The following BMPR1B variants were observed in gnomAD, a reference collection of about 807,000 sequenced individuals.
BMPR1B encodes the protein bone morphogenetic protein receptor type-1B.
A neutral mutation model predicts 59.1 loss-of-function variants in BMPR1B; 12 were observed. The observed-to-expected ratio is 0.20, with a 90% confidence interval of 0.13 to 0.33. The LOEUF (loss-of-function observed/expected upper bound fraction) is 0.33, where lower values mean the gene tolerates loss of function less well. Ranked by LOEUF, BMPR1B falls within the 10% of genes least tolerant of loss-of-function variation. The pLI, the probability that BMPR1B is intolerant of heterozygous loss-of-function variation, is 1.00. For synonymous variants in BMPR1B, 237 were observed against 207.3 expected, an observed-to-expected ratio of 1.14 and a Z score of -1.23; for missense variants, 550 against 610.9, an observed-to-expected ratio of 0.90 and a Z score of 1.05.
intron 1 of BMPR1B, among the ~76,000 whole-genome samples, chr4:94,784,500 T>C (rs1197528803): frequency 6.6e-6 from 1 of 152,186 alleles, no homozygotes; most frequent in East Asian, 1.9e-4. Flanking sequence ...ATTTTCTCTT[T>C]TGTGTAAACT....
intron 1 of BMPR1B, among the ~76,000 whole-genome samples, chr4:94,827,204 T>G (rs1189974526): frequency 6.6e-6 from 1 of 152,124 alleles, no homozygotes; most frequent in Non-Finnish European, 1.5e-5. Flanking sequence ...CTTTTGCAAG[T>G]TTAGAGTTTT....
At chr4:94,851,207 G>A (rs928066591) in intron 1 of BMPR1B, among the ~76,000 whole-genome samples, 9 of 152,154 alleles carry the variant, frequency 5.9e-5, no homozygotes, top group Non-Finnish European at 1.2e-4. Flanking sequence ...TACCGTCCTC[G>A]TAGAGGGGTA....
intron 1 of BMPR1B, among the ~76,000 whole-genome samples, chr4:94,774,837 G>T (rs1722310506): frequency 6.6e-6 from 1 of 151,854 alleles, no homozygotes; most frequent in Non-Finnish European, 1.5e-5. Flanking sequence ...ATGGAATATA[G>T]AACCCAAAAG....
intron 1 of BMPR1B, among the ~76,000 whole-genome samples, chr4:94,874,930 T>C (rs1328621860): frequency 1.3e-5 from 2 of 152,030 alleles, no homozygotes; most frequent in African/African-American, 4.8e-5. Flanking sequence ...GAGGCAGAGC[T>C]TGCAGTGAGC....
intron 1 of BMPR1B, among the ~76,000 whole-genome samples, chr4:94,779,024 A>C (rs1722490528): frequency 6.6e-6 from 1 of 151,928 alleles, no homozygotes; most frequent in Non-Finnish European, 1.5e-5. Context: ...TCTCAATTTT[A>C]ATGTAGTCAA....
intron 1 of BMPR1B, among the ~76,000 whole-genome samples, chr4:94,766,672 TTTA>T (rs900308019): frequency 8.6e-5 from 13 of 151,844 alleles, no homozygotes; most frequent in African/African-American, 1.9e-4. Flanking sequence ...TTTTTTTAAT[TTTA>T]TTATTATTAT....
chr4:95,120,671 T>G (rs1435842849), intron 6 of BMPR1B, among the ~76,000 whole-genome samples: 2 of 72,136 alleles, frequency 2.8e-5, no homozygotes, highest in Non-Finnish European at 6.2e-5. Context: ...TCCTTCTTCT[T>G]TCTTTTCTTT....
chr4:94,867,990 C>T (rs1285264429), intron 1 of BMPR1B, among the ~76,000 whole-genome samples: 1 of 150,562 alleles, frequency 6.6e-6, no homozygotes, highest in African/African-American at 2.4e-5. Context: ...GGACTATAGG[C>T]ATGTGCCACC....
At chr4:95,071,920 C>G (rs972859079) in intron 3 of BMPR1B, among the ~76,000 whole-genome samples, 1 of 151,576 alleles carries the variant, frequency 6.6e-6, no homozygotes, top group Non-Finnish European at 1.5e-5. Context: ...GGTGATAAGG[C>G]GTGTGTGTCT....
At chr4:94,955,727 C>T (rs56973312) in intron 2 of BMPR1B, among the ~76,000 whole-genome samples, 1,682 of 151,212 alleles carry the variant, frequency 0.011, 25 homozygotes, top group African/African-American at 0.035. Context: ...CTCCTGGGTT[C>T]AAGCGATTCT....
chr4:94,793,347 T>C (rs1723056760), intron 1 of BMPR1B, among the ~76,000 whole-genome samples: 1 of 151,892 alleles, frequency 6.6e-6, no homozygotes, highest in Admixed American at 6.6e-5. Flanking sequence ...GGACATGAAC[T>C]CATCATTTTT....
intron 3 of BMPR1B, among the ~76,000 whole-genome samples, chr4:95,019,715 A>G (rs1462562344): frequency 6.6e-6 from 1 of 152,162 alleles, no homozygotes; most frequent in Non-Finnish European, 1.5e-5. Flanking sequence ...CACTCAATTT[A>G]TAAGGACTCC....
At chr4:95,063,202 A>G (rs1727535059) in intron 3 of BMPR1B, among the ~76,000 whole-genome samples, 2 of 152,214 alleles carry the variant, frequency 1.3e-5, no homozygotes, top group South Asian at 2.1e-4. Flanking sequence ...TTAATAAACT[A>G]ATAGACAATA....
chr4:94,837,580 A>G (rs1276330233), intron 1 of BMPR1B, among the ~76,000 whole-genome samples: 1 of 143,060 alleles, frequency 7.0e-6, no homozygotes, highest in African/African-American at 2.6e-5. Context: ...GGTGTATAAG[A>G]ATGCTTGTGA....
intron 2 of BMPR1B, among the ~76,000 whole-genome samples, chr4:94,976,646 G>A (rs895602205): frequency 6.6e-6 from 1 of 152,160 alleles, no homozygotes; most frequent in Non-Finnish European, 1.5e-5. Context: ...GAAAGCCTTT[G>A]AATTAAGGTT....
At chr4:94,853,221 A>G (rs1725630116) in intron 1 of BMPR1B, among the ~76,000 whole-genome samples, 1 of 152,326 alleles carries the variant, frequency 6.6e-6, no homozygotes, top group Non-Finnish European at 1.5e-5. Flanking sequence ...CGTGGAGTTC[A>G]TGAAGTAAAA....
Position 95,084,394 on chromosome 4 carries a change from T to C in BMPR1B, c.-17-20014T>C, listed in dbSNP as rs552892462. On this transcript the variant is annotated intron_variant, in intron 3 of 12. Transcript: ENST00000515059. ...ATTGTGTATATATACATTTTTTTCA[T>C]GTAAATGATTTTCTAGTTTGTGGCC... 2.6e-4 allele frequency among the ~76,000 whole-genome samples: 40 copies of C among 152,158 alleles called. No homozygotes were observed. The East Asian group carries it at 7.3e-3, about 28-fold the overall frequency.
intron 1 of BMPR1B, among the ~76,000 whole-genome samples, chr4:94,813,363 A>G (rs1448757620): frequency 6.6e-6 from 1 of 152,164 alleles, no homozygotes; most frequent in African/African-American, 2.4e-5. Context: ...AGATCTGAAG[A>G]TAGTGAGGAA....
chr4:94,818,619 TTTA>T (rs1302772521), intron 1 of BMPR1B, among the ~76,000 whole-genome samples: 4 of 152,214 alleles, frequency 2.6e-5, no homozygotes, highest in Non-Finnish European at 5.9e-5. Context: ...TTCTACAGAT[TTTA>T]TTTTAAAATG....
Sources: gnomAD v4.1 joint callset for allele counts (sites outside exome capture counted in the v4.1 genomes callset) on GRCh38, gnomAD v4.1.1 for gene constraint, MANE v1.5 for transcripts, NCBI Gene and HGNC (gene_info 2026-07-23, HGNC 2026-07-21) for gene names.